TRAPPC9: variants seen among roughly 807,000 people sequenced by gnomAD.
The protein encoded by TRAPPC9 is trafficking protein particle complex subunit 9.
TRAPPC9 carries 83 observed loss-of-function variants against 124.0 expected under a neutral mutation model. The observed-to-expected ratio is 0.67, with a 90% CI of 0.56 to 0.80. The LOEUF (loss-of-function observed/expected upper bound fraction) is 0.80. Ranked by LOEUF, TRAPPC9 falls within the 30% of genes least tolerant of loss-of-function variation. The pLI is 0.00. For missense variants in TRAPPC9, 1,302 were observed against 1,508.3 expected (o/e 0.86, Z 2.27); for synonymous variants, 638 against 617.5 (o/e 1.03, Z -0.49).
chr8:139,769,735 G>A (rs1307098008), intron 21 of TRAPPC9, among the ~76,000 whole-genome samples: 1 of 152,164 alleles, frequency 6.6e-6, no homozygotes, highest in Non-Finnish European at 1.5e-5. Context: ...AGATCTCATA[G>A]GTCAGAGAAA....
intron 19 of TRAPPC9, among the ~76,000 whole-genome samples, chr8:139,974,205 G>A (rs934419151): frequency 6.6e-6 from 1 of 152,174 alleles, no homozygotes; most frequent in East Asian, 1.9e-4. Context: ...CGCCCAGCAG[G>A]CTCATGTATC....
At chr8:139,887,895 A>G (rs1830113245) in intron 20 of TRAPPC9, among the ~76,000 whole-genome samples, 2 of 152,236 alleles carry the variant, frequency 1.3e-5, no homozygotes. Context: ...CAAATGTCCC[A>G]GGTAGGAGTG....
At position 140,299,149 on chromosome 8, in the gene TRAPPC9, G is replaced by A. The variant is rs546868322; in HGVS notation, c.1768+1320C>T. On this transcript the variant is annotated intron_variant, in intron 11 of 22. Transcript: ENST00000438773. Reference sequence around the variant, plus strand: ...AGCCAATGATAGAGGGGCAGGGGACGAGTTCCTGGCAAAGGAAAGAGCGAG... The same window carrying A: ...AGCCAATGATAGAGGGGCAGGGGACAAGTTCCTGGCAAAGGAAAGAGCGAG... Among the ~76,000 whole-genome samples the A allele has an allele frequency of 2.3e-4, 35 of 152,372 alleles. No homozygotes were observed. The East Asian group carries it at 4.6e-3, about 20-fold the overall frequency.
chr8:140,176,555 A>C (rs1473057280), intron 17 of TRAPPC9, among the ~76,000 whole-genome samples: 1 of 152,156 alleles, frequency 6.6e-6, no homozygotes, highest in Non-Finnish European at 1.5e-5. Context: ...AAGTGTGTTT[A>C]TCCATTCATC....
chr8:140,005,305 T>C (rs1838676513), intron 18 of TRAPPC9, among the ~76,000 whole-genome samples: 1 of 152,188 alleles, frequency 6.6e-6, no homozygotes, highest in African/African-American at 2.4e-5. Context: ...GGTTTGGGCT[T>C]CACTGTGCAA....
In TRAPPC9 at chr8:139,981,277, G is replaced by A. The variant is rs534343499; in HGVS notation, c.2810+7449C>T. Among the ~76,000 whole-genome samples, 104 of 152,286 alleles carry A rather than the reference G, an allele frequency of 6.8e-4. 1 individual carries two copies. The South Asian group carries it at 0.02, about 30-fold the overall frequency. ...CCAGGCTCTATCAGGCCTCTGCCAC[G>A]GGCTCACTAACTGACCTCGGGTCTC... On this transcript the variant is annotated intron_variant, in intron 19 of 22. Transcript: ENST00000438773.
rs577460387 is a variant in TRAPPC9 at position 139,818,212 on chromosome 8, C to G, written c.3055+67667G>C. Among the ~76,000 whole-genome samples the G allele has an allele frequency of 2.0e-5, 3 of 152,260 alleles. No homozygotes were observed. The East Asian group carries it at 5.8e-4, about 29-fold the overall frequency. Reference sequence around the variant, plus strand: ...ATGCCCTGTCTCTAGGTGCTGGGCCCTGTGCAGTGATGAAATGATGTGATC... The same window carrying G: ...ATGCCCTGTCTCTAGGTGCTGGGCCGTGTGCAGTGATGAAATGATGTGATC... On this transcript the variant is annotated intron_variant, in intron 21 of 22. Coordinates refer to ENST00000438773, the MANE Select transcript of TRAPPC9 (RefSeq NM_001160372.4).
intron 19 of TRAPPC9, among the ~76,000 whole-genome samples, chr8:139,920,027 T>C (rs2131331003): frequency 6.6e-6 from 1 of 152,358 alleles, no homozygotes; most frequent in South Asian, 2.1e-4. Context: ...CTGAAGATGT[T>C]TGTATTAAGA....
intron 21 of TRAPPC9, among the ~76,000 whole-genome samples, chr8:139,872,523 G>A (rs1479288612): frequency 1.2e-4 from 15 of 126,568 alleles, no homozygotes; most frequent in African/African-American, 3.9e-4. Context: ...TGGATAAGTG[G>A]GTGGATGGAT....
intron 21 of TRAPPC9, among the ~76,000 whole-genome samples, chr8:139,861,786 G>A (rs535212178): frequency 2.3e-4 from 35 of 152,194 alleles, no homozygotes; most frequent in African/African-American, 7.7e-4. Flanking sequence ...ATGGGAAAAC[G>A]TGAAGACGCA....
intron 17 of TRAPPC9, among the ~76,000 whole-genome samples, chr8:140,130,415 T>C (rs1468736350): frequency 2.6e-5 from 4 of 152,162 alleles, no homozygotes; most frequent in Non-Finnish European, 5.9e-5. Flanking sequence ...CATGGCATCA[T>C]TCTGTAGTAT....
chr8:139,951,396 G>A lies in TRAPPC9; in HGVS notation c.2810+37330C>T, dbSNP rs143753046. Among the ~76,000 whole-genome samples the A allele has an allele frequency of 6.1e-3, 922 of 152,336 alleles. 30 individuals are homozygous for A. Among genetic ancestry groups the A allele is most frequent in the Admixed American group, 0.048 (737 of 15,302 alleles). On this transcript the variant is annotated intron_variant, in intron 19 of 22. Coordinates refer to ENST00000438773, the MANE Select transcript of TRAPPC9 (RefSeq NM_001160372.4). ...AGATGAGAAGAAATGTGACAGTCACGTTCTGCTGCCTGGGGGCAGGTGTCC... is the reference window on the plus strand; with the variant it reads ...AGATGAGAAGAAATGTGACAGTCACATTCTGCTGCCTGGGGGCAGGTGTCC...
At chr8:139,745,017 G>A (rs565431528) in intron 21 of TRAPPC9, among the ~76,000 whole-genome samples, 2 of 152,308 alleles carry the variant, frequency 1.3e-5, no homozygotes, top group South Asian at 4.1e-4. Context: ...TGTGCAGGAG[G>A]TGAGCTCCGG....
At position 140,018,324 on chromosome 8, in the gene TRAPPC9, A is replaced by ATTTTTTCTTTTTTTTTTTTTTTTTTCT. The variant is rs765656679; in HGVS notation, c.2699+5612_2699+5613insAGAAAAAAAAAAAAAAAAAAGAAAAAA. On this transcript the variant is annotated intron_variant, in intron 18 of 22. Transcript: ENST00000438773. ...TTGCTGGTATATAGAAACGTAAGTG[A>ATTTTTTCTTTTTTTTTTTTTTTTTTCT]TTTTTTTTTTTTTTTTTGAGACGGA... Among the ~76,000 whole-genome samples the ATTTTTTCTTTTTTTTTTTTTTTTTTCT allele has an allele frequency of 1.2e-4, 14 of 119,780 alleles. 2 individuals carry two copies. The highest frequency in any genetic ancestry group is 4.6e-4 in the African/African-American group (14 of 30,690). 78.6% of individuals were successfully genotyped at this position (119,780 alleles called of 152,430 possible).
intron 11 of TRAPPC9, among the ~76,000 whole-genome samples, chr8:140,298,374 T>C (rs2065871036): frequency 6.6e-6 from 1 of 152,214 alleles, no homozygotes; most frequent in Non-Finnish European, 1.5e-5. Flanking sequence ...ATGTGCTGGC[T>C]GGACGCAGAG....
chr8:139,824,721 C>T (rs959161639), intron 21 of TRAPPC9, among the ~76,000 whole-genome samples: 3 of 152,056 alleles, frequency 2.0e-5, no homozygotes, highest in African/African-American at 7.2e-5. Flanking sequence ...CCACTACGCC[C>T]AGCTAATTTT....
intron 9 of TRAPPC9, among the ~76,000 whole-genome samples, chr8:140,346,727 G>A (rs777662493): frequency 1.2e-4 from 19 of 152,164 alleles, no homozygotes; most frequent in Admixed American, 1.2e-3. Context: ...TTGCCAAAGA[G>A]AAAACAAAAC....
chr8:139,822,175 G>A (rs971177269), intron 21 of TRAPPC9, among the ~76,000 whole-genome samples: 21 of 152,158 alleles, frequency 1.4e-4, no homozygotes, highest in African/African-American at 5.1e-4. Context: ...GGCCGTGGGG[G>A]AGGAGAGGTG....
chr8:140,180,129 T>C (rs1327668635), intron 17 of TRAPPC9, among the ~76,000 whole-genome samples: 1 of 151,642 alleles, frequency 6.6e-6, no homozygotes, highest in Non-Finnish European at 1.5e-5. Context: ...CCCGTCTCTT[T>C]TTTGTTCCTT....
Sources: allele counts gnomAD v4.1 joint callset (sites outside exome capture counted in the v4.1 genomes callset), GRCh38; gene constraint gnomAD v4.1.1; transcripts MANE v1.5; gene names NCBI Gene and HGNC (gene_info 2026-07-23, HGNC 2026-07-21).